TPTE2: variants seen among roughly 807,000 people sequenced by gnomAD.
The protein encoded by TPTE2 is phosphatidylinositol 3,4,5-trisphosphate 3-phosphatase TPTE2.
In TPTE2, 53 loss-of-function variants were observed where a neutral mutation model predicts 78.6. The ratio of observed to expected loss-of-function variants is 0.67; its 90% CI spans 0.54 to 0.85. TPTE2 has a LOEUF of 0.85. Among genes scored for constraint, TPTE2 ranks in the 40% least tolerant of loss-of-function variants. TPTE2 has a pLI of 0.00. For missense variants in TPTE2, 461 were observed against 623.0 expected, an observed-to-expected ratio of 0.74 and a Z score of 2.77; for synonymous variants, 175 against 206.2, an observed-to-expected ratio of 0.85 and a Z score of 1.30.
chr13:19,465,241 T>C lies in TPTE2; in HGVS notation c.676+14A>G, dbSNP rs1566051898. 1.2e-6 allele frequency: 2 copies of C among 1,613,810 alleles called. No individual in the cohort carries two copies. Among genetic ancestry groups the C allele is most frequent in the Non-Finnish European group, 1.7e-6 (2 of 1,179,792 alleles). ...GAAGTAATACAAGTAAATCAACCAT[T>C]AAGTGTCACAAACCTGTAACGTAAG... is the stretch of plus-strand genomic sequence containing the variant. On this transcript the variant is annotated intron_variant, in intron 9 of 19. Coordinates refer to ENST00000400230, the Ensembl canonical transcript of TPTE2.
intron 10 of TPTE2, among the ~76,000 whole-genome samples, chr13:19,451,808 A>AGTGT (rs201672341): frequency 1.6e-3 from 219 of 134,938 alleles, no homozygotes; most frequent in East Asian, 2.3e-3. Flanking sequence ...TGTACCTATA[A>AGTGT]GTGTGTGTGT....
At chr13:19,516,662 T>C (rs1456181612) in intron 1 of TPTE2, among the ~76,000 whole-genome samples, 6 of 152,216 alleles carry the variant, frequency 3.9e-5, no homozygotes, top group African/African-American at 1.2e-4. Flanking sequence ...GGGGCCCTTT[T>C]GGTGGCCATC....
At position 19,493,046 on chromosome 13, in the gene TPTE2, G is replaced by A; in HGVS notation, c.66-143C>T. The A allele has an allele frequency of 3.5e-6, 4 of 1,130,592 alleles. No homozygotes were observed. The South Asian group carries it at 4.6e-5, about 13-fold the overall frequency. 70.0% of individuals were successfully genotyped at this position (1,130,592 alleles called of 1,614,324 possible). On this transcript the variant is annotated intron_variant, in intron 2 of 19. Coordinates refer to ENST00000400230, the Ensembl canonical transcript of TPTE2. ...GTCCCATAAAAATACTGCTTAGTAGGAACTAAGGGTGGCAATTACACTAAC... is the reference window on the plus strand; with the variant it reads ...GTCCCATAAAAATACTGCTTAGTAGAAACTAAGGGTGGCAATTACACTAAC...
intron 3 of TPTE2, among the ~76,000 whole-genome samples, chr13:19,483,303 A>G (rs1339551179): frequency 6.6e-6 from 1 of 152,136 alleles, no homozygotes; most frequent in Non-Finnish European, 1.5e-5. Context: ...ACTTTGTTGA[A>G]AGCCTTTTTA....
chr13:19,548,675 T>C, the TPTE2 span, among the ~76,000 whole-genome samples: 1 of 151,240 alleles, frequency 6.6e-6, no homozygotes, highest in Admixed American at 6.6e-5. Flanking sequence ...AAGACTGAAA[T>C]TGGACCCCCA....
chr13:19,476,336 C>T (rs1323324819), intron 4 of TPTE2, among the ~76,000 whole-genome samples: 1 of 151,198 alleles, frequency 6.6e-6, no homozygotes, highest in Non-Finnish European at 1.5e-5. Context: ...CTGAAGCCTC[C>T]TGTGTTGGAG....
chr13:19,540,298 TATTATTATTATG>T (rs1287424692), upstream of TPTE2, among the ~76,000 whole-genome samples: 1 of 149,136 alleles, frequency 6.7e-6, no homozygotes, highest in Non-Finnish European at 1.5e-5. Flanking sequence ...TTATTATTAT[TATTATTATTATG>T]GTTTTTTTTA....
upstream of TPTE2, among the ~76,000 whole-genome samples, chr13:19,541,401 A>C (rs1260046573): frequency 6.6e-6 from 1 of 152,206 alleles, no homozygotes; most frequent in Non-Finnish European, 1.5e-5. Flanking sequence ...GTTGTGATTT[A>C]CTTGGGGTTA....
chr13:19,451,604 A>T (rs1476453949), intron 10 of TPTE2, among the ~76,000 whole-genome samples: 1 of 152,216 alleles, frequency 6.6e-6, no homozygotes, highest in Non-Finnish European at 1.5e-5. Context: ...GAATAGATAC[A>T]TCTTTAGAGA....
chr13:19,431,564 A>G (rs547616940), intron 16 of TPTE2, among the ~76,000 whole-genome samples: 93 of 152,348 alleles, frequency 6.1e-4, no homozygotes, highest in African/African-American at 2.2e-3. Flanking sequence ...TTGATTGTTC[A>G]TCTCATATGC....
At chr13:19,522,619 C>CTTTTTTTTT (rs57248346) in intron 1 of TPTE2, among the ~76,000 whole-genome samples, 589 of 121,570 alleles carry the variant, frequency 4.8e-3, no homozygotes, top group East Asian at 9.1e-3. Context: ...CTTTTTTTTT[C>CTTTTTTTTT]TTTTTTTTTT....
intron 1 of TPTE2, among the ~76,000 whole-genome samples, chr13:19,533,343 A>T (rs1870997961): frequency 6.6e-6 from 1 of 152,228 alleles, no homozygotes; most frequent in Non-Finnish European, 1.5e-5. Flanking sequence ...ATTTTTCTCC[A>T]TGCAAAAGCA....
chr13:19,493,323 G>GGATA, intron 2 of TPTE2, 125 bp downstream of exon 5: 1 of 602,432 alleles, frequency 1.7e-6, no homozygotes, highest in South Asian at 2.0e-5. Context: ...AAGTGTGGAT[G>GGATA]GATGGATGGA....
At chr13:19,542,719 G>A in the TPTE2 span, among the ~76,000 whole-genome samples, 1 of 152,162 alleles carries the variant, frequency 6.6e-6, no homozygotes, top group Non-Finnish European at 1.5e-5. Context: ...TGTAGGCCAG[G>A]CATGGTGGCT....
chr13:19,450,509 G>A (rs17051514), intron 11 of TPTE2, among the ~76,000 whole-genome samples, 165 bp from the exon 15 acceptor site: 3,087 of 152,218 alleles, frequency 0.02, 109 homozygotes, highest in African/African-American at 0.07. Context: ...TTTCAAAAAC[G>A]TAAGGATGGT....
At chr13:19,462,153 T>C (rs1008266114) in intron 10 of TPTE2, among the ~76,000 whole-genome samples, 15 of 152,130 alleles carry the variant, frequency 9.9e-5, no homozygotes, top group African/African-American at 3.6e-4. Context: ...CAAAGTTTGA[T>C]TCCTTTCTCT....
chr13:19,449,995 G>C (rs1040697535), intron 13 of TPTE2, 81 bp downstream of exon 16: 136 of 1,432,468 alleles, frequency 9.5e-5, no homozygotes, highest in Non-Finnish European at 1.2e-4. Context: ...CATATTAATA[G>C]CAATACGTAT....
At chr13:19,479,546 A>G (rs942309461) in intron 4 of TPTE2, among the ~76,000 whole-genome samples, 9 of 152,198 alleles carry the variant, frequency 5.9e-5, no homozygotes, top group Non-Finnish European at 1.2e-4. Context: ...AAAACCAAAC[A>G]TACCAGAAAT....
chr13:19,561,300 T>C, the TPTE2 span: 7 of 928,226 alleles, frequency 7.5e-6, no homozygotes, highest in Admixed American at 1.1e-4. Flanking sequence ...TGCCCCAGCA[T>C]GCCGATCCCA....
Sources: allele counts gnomAD v4.1 joint callset (sites outside exome capture counted in the v4.1 genomes callset), GRCh38; gene constraint gnomAD v4.1.1; transcripts MANE v1.5; gene names NCBI Gene and HGNC (gene_info 2026-07-23, HGNC 2026-07-21).